Variants in C17orf113 observed in about 807,000 individuals in gnomAD.
C17orf113 encodes the protein uncharacterized protein C17orf113.
In C17orf113, 5 loss-of-function variants were observed where a neutral mutation model predicts 11.6. The ratio of observed to expected loss-of-function variants is 0.43; its 90% CI spans 0.23 to 0.91. The LOEUF (loss-of-function observed/expected upper bound fraction) is 0.91. Among genes scored for constraint, C17orf113 ranks in the 40% least tolerant of loss-of-function variants. The pLI, the probability that C17orf113 is intolerant of heterozygous loss-of-function variation, is 0.26. For synonymous variants in C17orf113, 327 were observed against 390.6 expected (o/e 0.84, Z 1.92); for missense variants, 714 against 841.3 (o/e 0.85, Z 1.87).
At position 42,043,571 on chromosome 17, in the gene C17orf113, TGAAA is replaced by T; in HGVS notation, c.-187-12_-187-9del. The T allele has an allele frequency of 2.4e-6, 1 of 417,656 alleles. No individual in the cohort carries two copies. The highest frequency in any genetic ancestry group is 4.1e-6 in the Non-Finnish European group (1 of 246,510). 25.9% of individuals were successfully genotyped at this position (417,656 alleles called of 1,614,324 possible). ...TGCTCTGCCGGTGGGAGACTGGAGA[TGAAA>T]GAGACAGGCAGAGGTGTTAGGGGTC... is the stretch of plus-strand genomic sequence containing the variant. On this transcript the variant is annotated splice_polypyrimidine_tract_variant and intron_variant, in intron 1 of 2. Transcript: ENST00000587304.
rs1480653284 is a variant in C17orf113 at position 42,040,281 on chromosome 17, G to C, written c.1452C>G (p.Val484=). 1.6e-6 allele frequency: 2 copies of C among 1,231,668 alleles called. No individual in the cohort carries two copies. Among genetic ancestry groups the C allele is most frequent in the Non-Finnish European group, 2.0e-6 (2 of 987,892 alleles). 76.3% of individuals were successfully genotyped at this position (1,231,668 alleles called of 1,614,324 possible). ...VELLGYSEAA[V]RGLEWLRGSF... is the part of the protein sequence containing the mutation. ...ATCCCCGGAGCCACTCCAAGCCCCG[G>C]ACCGCAGCCTCGGAGTAACCGAGCA... Residue 484 remains valine, a synonymous_variant, in exon 3 of 3, where the codon GTC becomes GTG. Transcript: ENST00000587304.
At chr17:42,041,406 G>C (rs2053018325) in intron 2 of C17orf113, among the ~76,000 whole-genome samples, 1 of 152,150 alleles carries the variant, frequency 6.6e-6, no homozygotes, top group Non-Finnish European at 1.5e-5. Flanking sequence ...CTCCTGGCCT[G>C]TCTAAGAATA....
At position 42,043,046 on chromosome 17, in the gene C17orf113, G is replaced by A; in HGVS notation, c.331C>T (p.Leu111=). ...CCCCTGGAGGCAGGGGTCGTAGCCA[G>A]GCCTGGGCAGGCCCCTCCACCTTCA... ...QAEGGGACPG[L]ATTPASRGVK... Residue 111 remains leucine (L), a synonymous_variant, in exon 2 of 3, where the codon CTG becomes TTG. Transcript: ENST00000587304. 8.1e-7 allele frequency: 1 copy of A among 1,232,320 alleles called. No homozygotes were observed. Among genetic ancestry groups the A allele is most frequent in the Admixed American group, 4.2e-5 (1 of 23,718 alleles). The allele number at this position is 1,232,320 out of a possible 1,614,324, so 76.3% of individuals were successfully genotyped here. A position where few individuals can be genotyped will look rare whatever the true frequency, so the allele number is the denominator to read the frequency against.
chr17:42,041,245 G>A, intron 2 of C17orf113, 56 bp from the exon 3 acceptor site: 1 of 1,224,902 alleles, frequency 8.2e-7, no homozygotes, highest in Non-Finnish European at 1.0e-6. Context: ...TGTCCTGAGA[G>A]GCGGAGGCAG....
chr17:42,039,667 G>A lies in C17orf113; in HGVS notation c.*38C>T. 8.1e-7 allele frequency: 1 copy of A among 1,231,464 alleles called. No homozygotes were observed. The highest frequency in any genetic ancestry group is 1.0e-6 in the Non-Finnish European group (1 of 987,372). The allele number at this position is 1,231,464 out of a possible 1,614,324, so 76.3% of individuals were successfully genotyped here. ...CTAGGTTGGCCCTTACAGTGCCCAG[G>A]GCCCCAGGCTGGATGGGCCGAGGGA... On this transcript the variant is annotated 3_prime_UTR_variant, in exon 3 of 3. Transcript: ENST00000587304.
At position 42,042,927 on chromosome 17, in the gene C17orf113, G is replaced by A; in HGVS notation, c.450C>T (p.Ala150=). The change falls in exon 2 of 3, where the codon GCC becomes GCT. Residue 150 remains alanine (A), a synonymous_variant. Transcript: ENST00000587304. ...GGTTGAACCTCTGCAGCTCGAGCAG[G>A]GCAGAGCAGCGGTCATTGGGCACAT... The part of the protein sequence containing the change: ...KEDVPNDRCS[A]LLELQRFNLC... The A allele has an allele frequency of 8.1e-7, 1 of 1,232,540 alleles. No homozygotes were observed. Among genetic ancestry groups the A allele is most frequent in the Non-Finnish European group, 1.0e-6 (1 of 988,234 alleles). 76.4% of individuals were successfully genotyped at this position (1,232,540 alleles called of 1,614,324 possible). A position where few individuals can be genotyped will look rare whatever the true frequency, so the allele number is the denominator to read the frequency against.
chr17:42,044,307 C>CA lies in C17orf113; in HGVS notation c.-187-745dup, dbSNP rs57246793. ...TGGGTAATAGAGCTAGACCCTGTCT[C>CA]AAAAAAAAAAAAAAAAAAAAAAAAG... On this transcript the variant is annotated intron_variant, in intron 1 of 2. Transcript: ENST00000587304. Among the ~76,000 whole-genome samples the CA allele has an allele frequency of 8.9e-4, 63 of 70,498 alleles. 1 individual carries two copies. Among genetic ancestry groups the CA allele is most frequent in the African/African-American group, 2.6e-3 (43 of 16,616 alleles). The allele number at this position is 70,498 out of a possible 152,430, so 46.2% of individuals were successfully genotyped here. A position where few individuals can be genotyped will look rare whatever the true frequency, so the allele number is the denominator to read the frequency against.
In C17orf113 at chr17:42,038,329, C is replaced by T. The variant is rs2143617292; in HGVS notation, c.*1376G>A. 1 of 432,054 alleles carries T rather than the reference C, an allele frequency of 2.3e-6. No individual in the cohort carries two copies. The allele number at this position is 432,054 out of a possible 1,614,324, so 26.8% of individuals were successfully genotyped here. The stretch of plus-strand genomic sequence containing the variant: ...CCCCTCTCACTCTCTAACTATCCTC[C>T]CTCCCTCCAGATCCCCAGGATTTCA... On this transcript the variant is annotated 3_prime_UTR_variant, in exon 3 of 3. Coordinates refer to ENST00000587304, the MANE Select transcript of C17orf113 (RefSeq NM_001358661.2).
intron 1 of C17orf113, among the ~76,000 whole-genome samples, chr17:42,043,820 G>A (rs897829715): frequency 7.9e-5 from 12 of 152,110 alleles, no homozygotes; most frequent in Admixed American, 5.2e-4. Flanking sequence ...AATTCGCTTT[G>A]ACTGATGAAG....
intron 1 of C17orf113, among the ~76,000 whole-genome samples, chr17:42,049,912 A>G (rs906473993): frequency 2.0e-5 from 3 of 152,254 alleles, no homozygotes; most frequent in African/African-American, 7.2e-5. Flanking sequence ...TTAGTAGCCA[A>G]TGTGGCTAGT....
chr17:42,042,618 G>A (rs906171822), intron 2 of C17orf113, among the ~76,000 whole-genome samples: 2 of 152,204 alleles, frequency 1.3e-5, no homozygotes, highest in Admixed American at 6.5e-5. Flanking sequence ...GTGCCCCTGT[G>A]CCCGCTAAGA....
Position 42,040,368 on chromosome 17 carries a change from C to G in C17orf113, c.1365G>C (p.Gln455His). The G allele has an allele frequency of 1.6e-6, 2 of 1,231,940 alleles. No homozygotes were observed. Among genetic ancestry groups the G allele is most frequent in the Non-Finnish European group, 2.0e-6 (2 of 987,936 alleles). 76.3% of individuals were successfully genotyped at this position (1,231,940 alleles called of 1,614,324 possible). A position where few individuals can be genotyped will look rare whatever the true frequency, so the allele number is the denominator to read the frequency against. Residue 455 changes from glutamine (Q) to histidine (H), a missense_variant, in exon 3 of 3, where the codon CAG becomes CAC. Gln to His is a conservative substitution (Grantham distance 24). Coordinates refer to ENST00000587304, the MANE Select transcript of C17orf113 (RefSeq NM_001358661.2). Reference sequence around the variant, plus strand: ...CGTCAGGGTCCATGGATGCCAGTTCCTGCAGGAAGCCCTGGAGGCGGGCCC... The same window carrying G: ...CGTCAGGGTCCATGGATGCCAGTTCGTGCAGGAAGCCCTGGAGGCGGGCCC... Reference protein sequence around the residue: ...SGGARLQGFLQELASMDPDAS... With the variant: ...SGGARLQGFLHELASMDPDAS...
Position 42,043,022 on chromosome 17 carries a change from C to T in C17orf113, c.355G>A (p.Gly119Ser). The change falls in exon 2 of 3, where the codon GGC becomes AGC. Residue 119 changes from glycine (G) to serine (S), a missense_variant. Around this residue, in one of 3 missense-constraint regions of C17orf113, gnomAD observed 516 missense variants for 626.6 expected, o/e 0.82. Coordinates refer to ENST00000587304, the MANE Select transcript of C17orf113 (RefSeq NM_001358661.2). ...PGLATTPASR[G>S]VKVELDPAKV... The stretch of plus-strand genomic sequence containing the variant: ...GCCGGGTCTAACTCCACCTTGACGC[C>T]CCTGGAGGCAGGGGTCGTAGCCAGG... The T allele has an allele frequency of 8.1e-7, 1 of 1,232,324 alleles. No homozygotes were observed. Among genetic ancestry groups the T allele is most frequent in the Non-Finnish European group, 1.0e-6 (1 of 988,080 alleles). The allele number at this position is 1,232,324 out of a possible 1,614,324, so 76.3% of individuals were successfully genotyped here.
rs192553121 is a variant in C17orf113 at position 42,047,891 on chromosome 17, G to A, written c.-188+2666C>T. Among the ~76,000 whole-genome samples, 1,007 of 152,110 alleles carry A rather than the reference G, an allele frequency of 6.6e-3. 12 individuals carry two copies. Among genetic ancestry groups the A allele is most frequent in the African/African-American group, 0.022 (911 of 41,488 alleles). On this transcript the variant is annotated intron_variant, in intron 1 of 2. Transcript: ENST00000587304. ...GCTGGTCTCGAACTCCTGACCTCGT[G>A]ATCTGCCCGCCTCAGCCTCCCAAAG... is the stretch of plus-strand genomic sequence containing the variant.
At chr17:42,047,491 G>A (rs1555656733) in intron 1 of C17orf113, among the ~76,000 whole-genome samples, 1 of 151,956 alleles carries the variant, frequency 6.6e-6, no homozygotes, top group Admixed American at 6.6e-5. Flanking sequence ...CTCTGAGACT[G>A]CAGTAACTGT....
chr17:42,044,307 CAAAAAAAAAAA>C (rs57246793), intron 1 of C17orf113, among the ~76,000 whole-genome samples: 2 of 70,548 alleles, frequency 2.8e-5, no homozygotes, highest in African/African-American at 6.0e-5. Context: ...GACCCTGTCT[CAAAAAAAAAAA>C]AAAAAAAAAA....
At chr17:42,041,293 T>G in intron 2 of C17orf113, 104 bp from the exon 3 acceptor site, 2 of 987,424 alleles carry the variant, frequency 2.0e-6, no homozygotes, top group Non-Finnish European at 2.6e-6. Flanking sequence ...GGCCTTGAGG[T>G]TAGACAGACT....
At chr17:42,041,530 C>T (rs1449613559) in intron 2 of C17orf113, among the ~76,000 whole-genome samples, 3 of 152,188 alleles carry the variant, frequency 2.0e-5, no homozygotes, top group Non-Finnish European at 4.4e-5. Context: ...TTATAAACAT[C>T]AACTTTTGTT....
In C17orf113 at chr17:42,043,140, G is replaced by A. The variant is rs2053066437; in HGVS notation, c.237C>T (p.His79=). ...DNFQRHALLR[H]VTSGAHRQAL... is the part of the protein sequence containing the mutation. ...CCTGGCGGTGGGCTCCTGAGGTCAC[G>A]TGGCGCAGCAGGGCGTGGCGCTGGA... The change falls in exon 2 of 3, where the codon CAC becomes CAT. Residue 79 remains histidine (H), a synonymous_variant. Transcript: ENST00000587304. 25 of 1,232,210 alleles carry A rather than the reference G, an allele frequency of 2.0e-5. No homozygotes were observed. The highest frequency in any genetic ancestry group is 4.2e-5 in the Admixed American group (1 of 23,720). 76.3% of individuals were successfully genotyped at this position (1,232,210 alleles called of 1,614,324 possible). A position where few individuals can be genotyped will look rare whatever the true frequency, so the allele number is the denominator to read the frequency against.
Sources: allele counts gnomAD v4.1 joint callset (sites outside exome capture counted in the v4.1 genomes callset), GRCh38; gene constraint gnomAD v4.1.1; regional missense constraint gnomAD v4.1.1; transcripts MANE v1.5; gene names NCBI Gene and HGNC (gene_info 2026-07-23, HGNC 2026-07-21).